Variants in RBMS3 observed in about 807,000 individuals in gnomAD.
RBMS3 encodes RNA-binding motif, single-stranded-interacting protein 3.
A neutral mutation model predicts 66.8 loss-of-function variants in RBMS3; 27 were observed. That is an observed-to-expected ratio of 0.40 (90% CI 0.30 to 0.56). The LOEUF is 0.56. Ranked by LOEUF, RBMS3 falls within the 20% of genes least tolerant of loss-of-function variation. RBMS3 has a pLI of 0.40. For missense variants in RBMS3, 513 were observed against 549.5 expected, an observed-to-expected ratio of 0.93 and a Z score of 0.66; for synonymous variants, 188 against 183.0, an observed-to-expected ratio of 1.03 and a Z score of -0.22.
intron 1 of RBMS3, among the ~76,000 whole-genome samples, chr3:29,373,775 C>T (rs1461894989): frequency 1.3e-5 from 2 of 152,106 alleles, no homozygotes; most frequent in African/African-American, 4.8e-5. Context: ...AAATGAAATT[C>T]TAGGCTTTGC....
At chr3:29,884,422 TTCTCTCTCTCTCTCTCTC>T (rs571002730) in intron 8 of RBMS3, among the ~76,000 whole-genome samples, 101 of 41,878 alleles carry the variant, frequency 2.4e-3, no homozygotes, top group Non-Finnish European at 2.8e-3. Context: ...TTAAACCCTG[TTCTCTCTCTCTCTCTCTC>T]TCTCTCTCTC....
intron 1 of RBMS3, among the ~76,000 whole-genome samples, chr3:29,383,102 A>T (rs767561641): frequency 6.6e-6 from 1 of 152,248 alleles, no homozygotes; most frequent in Non-Finnish European, 1.5e-5. Context: ...CTCTAGGGCA[A>T]CAAGGTCATA....
intron 1 of RBMS3, among the ~76,000 whole-genome samples, chr3:29,352,344 GCATGA>G (rs1486574205): frequency 6.6e-6 from 1 of 151,834 alleles, no homozygotes; most frequent in Non-Finnish European, 1.5e-5. Flanking sequence ...CTTTTATAGT[GCATGA>G]TATATCTATT....
At chr3:29,720,696 C>CTGTGTGTGTATG (rs2053606190) in intron 4 of RBMS3, among the ~76,000 whole-genome samples, 1 of 147,498 alleles carries the variant, frequency 6.8e-6, no homozygotes, top group Admixed American at 6.8e-5. Flanking sequence ...CTGTAAGAAT[C>CTGTGTGTGTATG]TGTGTGTGTG....
intron 10 of RBMS3, among the ~76,000 whole-genome samples, chr3:29,904,758 T>C (rs1231141356): frequency 6.6e-6 from 1 of 152,080 alleles, no homozygotes; most frequent in African/African-American, 2.4e-5. Context: ...GTGGTAAATG[T>C]CTCACTCATA....
chr3:29,656,448 A>G (rs77896684), intron 4 of RBMS3, among the ~76,000 whole-genome samples: 5,572 of 152,366 alleles, frequency 0.037, 121 homozygotes, highest in African/African-American at 0.054. Context: ...GCCCAGCTGT[A>G]TAGCAGATTA....
chr3:29,624,110 T>C (rs2048973297), intron 4 of RBMS3, among the ~76,000 whole-genome samples: 1 of 152,238 alleles, frequency 6.6e-6, no homozygotes, highest in Non-Finnish European at 1.5e-5. Flanking sequence ...TTCCAACGTA[T>C]ACCTCAGGTT....
chr3:29,556,490 C>T (rs1167344021), intron 3 of RBMS3: 2 of 152,480 alleles, frequency 1.3e-5, no homozygotes, highest in African/African-American at 2.4e-5. Context: ...GTAGTCCCAG[C>T]TACATGGGAG....
intron 3 of RBMS3, among the ~76,000 whole-genome samples, chr3:29,510,198 C>T (rs35877): frequency 0.53 from 80,518 of 152,130 alleles, 22,170 homozygotes; most frequent in East Asian, 0.69. Flanking sequence ...TTTATCAAGT[C>T]TGAATTTCTC....
intron 1 of RBMS3, among the ~76,000 whole-genome samples, chr3:29,330,115 A>G (rs1358218344): frequency 6.6e-6 from 1 of 152,112 alleles, no homozygotes; most frequent in African/African-American, 2.4e-5. Context: ...TCTGTACCAC[A>G]TAGACATCAG....
At chr3:29,463,494 T>C (rs2042436306) in intron 2 of RBMS3, among the ~76,000 whole-genome samples, 1 of 151,732 alleles carries the variant, frequency 6.6e-6, no homozygotes, top group South Asian at 2.1e-4. Flanking sequence ...TCGCCATTGC[T>C]CCCTTTCCAG....
At chr3:29,428,105 G>T (rs371425574) in intron 1 of RBMS3, among the ~76,000 whole-genome samples, 5 of 152,054 alleles carry the variant, frequency 3.3e-5, no homozygotes, top group Non-Finnish European at 7.4e-5. Flanking sequence ...TTTTGTTTAC[G>T]GTTTTTTTAG....
chr3:29,755,527 G>A (rs1350298292), intron 5 of RBMS3, among the ~76,000 whole-genome samples: 1 of 152,154 alleles, frequency 6.6e-6, no homozygotes, highest in Non-Finnish European at 1.5e-5. Flanking sequence ...AGGGAACTGA[G>A]GTAAAGGCAA....
At chr3:29,761,728 A>C (rs934112114) in intron 5 of RBMS3, among the ~76,000 whole-genome samples, 24 of 152,254 alleles carry the variant, frequency 1.6e-4, no homozygotes, top group African/African-American at 5.8e-4. Flanking sequence ...AATGGACATA[A>C]AATTTAGATG....
In RBMS3 at chr3:29,951,559, G is replaced by A. The variant is rs568201206; in HGVS notation, c.1098+7305G>A. 1.6e-4 allele frequency among the ~76,000 whole-genome samples: 24 copies of A among 151,780 alleles called. No homozygotes were observed. In the East Asian group the frequency reaches 2.1e-3, roughly 14 times the overall value. ...TATGTCCAAAGTACCTAGTAAGGGC[G>A]TGACTCATGATCGATATTAAATAAT... On this transcript the variant is annotated intron_variant, in intron 12 of 14. Transcript: ENST00000383767.
At chr3:29,930,143 G>A (rs1259878185) in intron 10 of RBMS3, among the ~76,000 whole-genome samples, 1 of 33,794 alleles carries the variant, frequency 3.0e-5, no homozygotes, top group Non-Finnish European at 9.7e-5. Context: ...ATGGAGTCTC[G>A]CTCTGTCTCC....
intron 6 of RBMS3, among the ~76,000 whole-genome samples, chr3:29,831,423 A>G (rs978503576): frequency 1.3e-5 from 2 of 152,146 alleles, no homozygotes; most frequent in African/African-American, 4.8e-5. Flanking sequence ...ATAATGTGTG[A>G]AGCATTTTTG....
intron 3 of RBMS3, among the ~76,000 whole-genome samples, chr3:29,532,356 C>T (rs1426822289): frequency 6.7e-6 from 1 of 149,642 alleles, no homozygotes; most frequent in African/African-American, 2.5e-5. Context: ...GTCCCTTGGA[C>T]TACCAGTTTT....
intron 1 of RBMS3, among the ~76,000 whole-genome samples, chr3:29,349,031 G>A (rs1213960380): frequency 2.6e-5 from 4 of 152,246 alleles, no homozygotes; most frequent in South Asian, 2.1e-4. Context: ...AGGTAGGGAA[G>A]TTCGTACTTG....
Sources: allele counts gnomAD v4.1 joint callset (sites outside exome capture counted in the v4.1 genomes callset), GRCh38; gene constraint gnomAD v4.1.1; transcripts MANE v1.5; gene names NCBI Gene and HGNC (gene_info 2026-07-23, HGNC 2026-07-21).